ANKRD22: variants seen among roughly 807,000 people sequenced by gnomAD.
ANKRD22 encodes ankyrin repeat domain-containing protein 22.
In ANKRD22, 24 loss-of-function variants were observed where a neutral mutation model predicts 25.7. The ratio of observed to expected loss-of-function variants is 0.93; its 90% CI spans 0.68 to 1.31. The LOEUF is 1.31. ANKRD22 is among the 50% of genes most tolerant of loss of function. The pLI, the probability that ANKRD22 is intolerant of heterozygous loss-of-function variation, is 0.00. For synonymous variants in ANKRD22, 84 were observed against 84.3 expected, an observed-to-expected ratio of 1.00 and a Z score of 0.02; for missense variants, 214 against 227.1, an observed-to-expected ratio of 0.94 and a Z score of 0.37.
At chr10:88,847,567 A>C (rs1251214576) in intron 1 of ANKRD22, among the ~76,000 whole-genome samples, 1 of 152,064 alleles carries the variant, frequency 6.6e-6, no homozygotes, top group Non-Finnish European at 1.5e-5. Flanking sequence ...CCTCAACACC[A>C]TACTCTTCTA....
rs1843795023 is a variant in ANKRD22, at chr10:88,821,568, GC to G, written c.*1372del. The stretch of plus-strand genomic sequence containing the variant: ...GGGTCACCTGGTAGCTCAGCTCAAT[GC>G]CAGTGAATCTTAATTTATTAAGACA... On this transcript the variant is annotated 3_prime_UTR_variant, in exon 6 of 6. Coordinates refer to ENST00000371930, the MANE Select transcript of ANKRD22 (RefSeq NM_144590.3). 6.6e-6 allele frequency among the ~76,000 whole-genome samples: 1 copy of G among 152,216 alleles called. No individual in the cohort carries two copies. Among genetic ancestry groups the G allele is most frequent in the Non-Finnish European group, 1.5e-5 (1 of 68,040 alleles).
At chr10:88,825,212 G>A (rs1485906687) in intron 4 of ANKRD22, among the ~76,000 whole-genome samples, 1 of 152,146 alleles carries the variant, frequency 6.6e-6, no homozygotes, top group Non-Finnish European at 1.5e-5. Context: ...TTAGTATTTT[G>A]GAATCAAATT....
At chr10:88,823,555 C>T (rs1843822398) in intron 4 of ANKRD22, 177 bp from the exon 5 acceptor site, 5 of 541,386 alleles carry the variant, frequency 9.2e-6, no homozygotes, top group Non-Finnish European at 1.3e-5. Flanking sequence ...TCGCCGGGCG[C>T]GGTGGCTCAC....
chr10:88,838,934 G>A, intron 1 of ANKRD22, among the ~76,000 whole-genome samples: 1 of 152,162 alleles, frequency 6.6e-6, no homozygotes, highest in Non-Finnish European at 1.5e-5. Context: ...CCAGCAGGGT[G>A]CATGAGTTCC....
intron 4 of ANKRD22, among the ~76,000 whole-genome samples, chr10:88,824,781 G>A (rs1054968138): frequency 2.6e-5 from 4 of 152,062 alleles, no homozygotes; most frequent in Non-Finnish European, 4.4e-5. Flanking sequence ...TCACAGGCAG[G>A]AATATTAAAT....
intron 1 of ANKRD22, among the ~76,000 whole-genome samples, chr10:88,840,098 A>G (rs1277065660): frequency 6.6e-6 from 1 of 152,184 alleles, no homozygotes; most frequent in Non-Finnish European, 1.5e-5. Flanking sequence ...AAAACTCTGG[A>G]ATAATGGAAC....
At chr10:88,837,373 A>G (rs1843963837) in intron 1 of ANKRD22, among the ~76,000 whole-genome samples, 1 of 152,234 alleles carries the variant, frequency 6.6e-6, no homozygotes, top group South Asian at 2.1e-4. Flanking sequence ...ATTAAAGCAT[A>G]AGGAGCCAAT....
At chr10:88,847,765 T>TAA (rs199918993) in intron 1 of ANKRD22, among the ~76,000 whole-genome samples, 4 of 148,524 alleles carry the variant, frequency 2.7e-5, no homozygotes, top group African/African-American at 9.9e-5. Context: ...AAAAACAAAA[T>TAA]AAAAAAAAAC....
At chr10:88,841,701 C>T (rs199890586) in intron 1 of ANKRD22, among the ~76,000 whole-genome samples, 35 of 152,294 alleles carry the variant, frequency 2.3e-4, no homozygotes, top group East Asian at 1.4e-3. Flanking sequence ...CAAAACTTAA[C>T]TTCAGCTATT....
chr10:88,842,050 G>A (rs1844007962), intron 1 of ANKRD22, among the ~76,000 whole-genome samples: 2 of 152,060 alleles, frequency 1.3e-5, no homozygotes, highest in South Asian at 4.1e-4. Context: ...GCTGGGGAAG[G>A]GCCCAGGATT....
At chr10:88,847,213 A>G (rs1031384141) in intron 1 of ANKRD22, among the ~76,000 whole-genome samples, 2 of 151,764 alleles carry the variant, frequency 1.3e-5, no homozygotes, top group African/African-American at 4.8e-5. Context: ...TTATCCTTCT[A>G]TTTCTTTGAG....
chr10:88,820,117 C>T lies in ANKRD22; in HGVS notation c.*2824G>A. On this transcript the variant is annotated 3_prime_UTR_variant, in exon 6 of 6. Transcript: ENST00000371930. Reference sequence around the variant, plus strand: ...TTAACAGAGTTGTGTGGCTCTAACACCCATGTACCCTTCACCACAACAGAT... The same window carrying T: ...TTAACAGAGTTGTGTGGCTCTAACATCCATGTACCCTTCACCACAACAGAT... 3.7e-6 allele frequency: 3 copies of T among 810,442 alleles called. No homozygotes were observed. Among genetic ancestry groups the T allele is most frequent in the Non-Finnish European group, 5.7e-6 (3 of 523,040 alleles). The allele number at this position is 810,442 out of a possible 1,614,324, so 50.2% of individuals were successfully genotyped here.
Position 88,845,677 on chromosome 10 carries a change from A to T in ANKRD22, c.21+5910T>A, listed in dbSNP as rs577176219. On this transcript the variant is annotated intron_variant, in intron 1 of 5. Transcript: ENST00000371930. The stretch of plus-strand genomic sequence containing the variant: ...CAAACCAGGAAATCTTTTAGTTAAA[A>T]ATTTATCTAAAATTCACCCATTAGT... Among the ~76,000 whole-genome samples, 3 of 152,218 alleles carry T rather than the reference A, an allele frequency of 2.0e-5. No individual in the cohort carries two copies. In the East Asian group the frequency reaches 5.8e-4, roughly 29 times the overall value.
chr10:88,842,355 A>G (rs1428844050), intron 1 of ANKRD22, among the ~76,000 whole-genome samples: 1 of 152,130 alleles, frequency 6.6e-6, no homozygotes, highest in African/African-American at 2.4e-5. Flanking sequence ...TAGCATAACT[A>G]GAATTTATAC....
At chr10:88,848,152 A>ATATATATATATGTATATATGTG (rs1422393457) in intron 1 of ANKRD22, among the ~76,000 whole-genome samples, 7 of 145,990 alleles carry the variant, frequency 4.8e-5, no homozygotes, top group African/African-American at 1.5e-4. Context: ...ATATGCGTGT[A>ATATATATATATGTATATATGTG]TATATATATA....
chr10:88,830,414 TTTTG>T lies in ANKRD22; in HGVS notation c.213+1417_213+1420del, dbSNP rs527829132. Among the ~76,000 whole-genome samples, 680 of 152,306 alleles carry T rather than the reference TTTTG, an allele frequency of 4.5e-3. 4 individuals are homozygous for T. The highest frequency in any genetic ancestry group is 7.4e-3 in the Non-Finnish European group (504 of 68,004). On this transcript the variant is annotated intron_variant, in intron 2 of 5. Transcript: ENST00000371930. ...GTGCTTCTGAATCTCCAGCAGAGCTTTTTGTTTGTTTGTTTGTTTTTAAGGTGTT... is the reference window on the plus strand; with the variant it reads ...GTGCTTCTGAATCTCCAGCAGAGCTTTTTGTTTGTTTGTTTTTAAGGTGTT...
At chr10:88,833,921 C>T (rs1428746393) in intron 1 of ANKRD22, among the ~76,000 whole-genome samples, 5 of 152,208 alleles carry the variant, frequency 3.3e-5, no homozygotes, top group Non-Finnish European at 7.3e-5. Flanking sequence ...GTAATTGTGG[C>T]TCTGTTACTA....
rs1324429194 is a variant in ANKRD22 at position 88,844,883 on chromosome 10, G to A, written c.21+6704C>T. On this transcript the variant is annotated intron_variant, in intron 1 of 5. Coordinates refer to ENST00000371930, the MANE Select transcript of ANKRD22 (RefSeq NM_144590.3). ...TTCCCCTTAGAAAACAAGTTTATTC[G>A]GGGATTTTTTTCTCTCCCACTTTCT... Among the ~76,000 whole-genome samples, 8 of 152,040 alleles carry A rather than the reference G, an allele frequency of 5.3e-5. 1 individual carries two copies. The highest frequency in any genetic ancestry group is 4.1e-4 in the South Asian group (2 of 4,826).
At chr10:88,825,280 A>G (rs983300832) in intron 4 of ANKRD22, among the ~76,000 whole-genome samples, 10 of 152,252 alleles carry the variant, frequency 6.6e-5, no homozygotes, top group African/African-American at 1.9e-4. Flanking sequence ...TTCAATCACC[A>G]TAAGCAAAAC....
Sources: allele counts gnomAD v4.1 joint callset (sites outside exome capture counted in the v4.1 genomes callset), GRCh38; gene constraint gnomAD v4.1.1; transcripts MANE v1.5; gene names NCBI Gene and HGNC (gene_info 2026-07-23, HGNC 2026-07-21).